RNF144A: variants seen among roughly 807,000 people sequenced by gnomAD.
RNF144A encodes ring finger protein 144A, also known as E3 ubiquitin-protein ligase RNF144A.
A neutral mutation model predicts 38.7 loss-of-function variants in RNF144A; 11 were observed. The ratio of observed to expected loss-of-function variants is 0.28; its 90% CI spans 0.18 to 0.47. The LOEUF is 0.47. RNF144A is among the 20% of genes least tolerant of loss of function. The probability of loss-of-function intolerance (pLI) is 0.99; values close to 1 mark genes in which losing one functional copy is unlikely to be tolerated. For synonymous variants in RNF144A, 149 were observed against 143.9 expected, an observed-to-expected ratio of 1.04 and a Z score of -0.25; for missense variants, 316 against 377.2, an observed-to-expected ratio of 0.84 and a Z score of 1.34.
chr2:7,041,745 C>T lies in RNF144A; in HGVS notation c.*1985C>T, dbSNP rs1673057012. 1 of 985,514 alleles carries T rather than the reference C, an allele frequency of 1.0e-6. No individual in the cohort carries two copies. The highest frequency in any genetic ancestry group is 1.7e-5 in the African/African-American group (1 of 57,246). 61.0% of individuals were successfully genotyped at this position (985,514 alleles called of 1,614,324 possible). A position where few individuals can be genotyped will look rare whatever the true frequency, so the allele number is the denominator to read the frequency against. On this transcript the variant is annotated 3_prime_UTR_variant, in exon 9 of 9. Transcript: ENST00000320892. Reference sequence around the variant, plus strand: ...AGTGGCCCACAGGACACGCCTCCACCATATGCTCATCCTTCCTGCCTGAAA... The same window carrying T: ...AGTGGCCCACAGGACACGCCTCCACTATATGCTCATCCTTCCTGCCTGAAA...
chr2:7,073,746 T>A, the RNF144A span, among the ~76,000 whole-genome samples: 1 of 152,228 alleles, frequency 6.6e-6, no homozygotes, highest in South Asian at 2.1e-4. Context: ...AATCCTTACA[T>A]CTTATTTAAT....
At chr2:7,046,176 A>G (rs974213051), downstream of RNF144A, among the ~76,000 whole-genome samples, 1 of 152,224 alleles carries the variant, frequency 6.6e-6, no homozygotes, top group Non-Finnish European at 1.5e-5. Context: ...TGGCTCGACC[A>G]CAAGACAGTG....
At chr2:7,031,280 A>G (rs1672284357) in intron 8 of RNF144A, among the ~76,000 whole-genome samples, 1 of 152,186 alleles carries the variant, frequency 6.6e-6, no homozygotes, top group Non-Finnish European at 1.5e-5. Context: ...TTTATAGCCT[A>G]CCGTGTGCTG....
intron 6 of RNF144A, among the ~76,000 whole-genome samples, chr2:7,053,946 G>A (rs1000543236): frequency 7.2e-5 from 11 of 152,346 alleles, no homozygotes; most frequent in African/African-American, 2.6e-4. Context: ...AGGCACTGGT[G>A]CCCAGAGAGA....
chr2:7,018,048 C>T (rs538423568), intron 5 of RNF144A, among the ~76,000 whole-genome samples: 1 of 152,152 alleles, frequency 6.6e-6, no homozygotes, highest in Non-Finnish European at 1.5e-5. Context: ...ATAGCATCCC[C>T]CACTGTTGAG....
chr2:6,988,836 A>G (rs771263), intron 2 of RNF144A, among the ~76,000 whole-genome samples: 44,433 of 151,974 alleles, frequency 0.29, 6,672 homozygotes, highest in African/African-American at 0.33. Context: ...TGCATGAGAG[A>G]TGTGTCTTTT....
At chr2:6,996,878 G>T in intron 2 of RNF144A, 38 bp from the exon 3 acceptor site, 1 of 1,599,860 alleles carries the variant, frequency 6.3e-7, no homozygotes, top group East Asian at 2.2e-5. Flanking sequence ...GATGCCAGGG[G>T]TGGGGAGGTC....
At chr2:6,990,435 C>CACAG (rs1448726785) in intron 2 of RNF144A, among the ~76,000 whole-genome samples, 1 of 56,924 alleles carries the variant, frequency 1.8e-5, no homozygotes, top group Non-Finnish European at 3.4e-5. Flanking sequence ...CACACACACA[C>CACAG]AGAGCTATAT....
intron 2 of RNF144A, among the ~76,000 whole-genome samples, chr2:6,959,352 G>A (rs1667192351): frequency 6.6e-6 from 1 of 152,162 alleles, no homozygotes; most frequent in Non-Finnish European, 1.5e-5. Context: ...ATGGCTCATT[G>A]GTGTGATTAT....
Position 7,043,213 on chromosome 2 carries a change from A to T in RNF144A, c.*3453A>T. The T allele has an allele frequency of 1.1e-5, 11 of 985,412 alleles. No homozygotes were observed. Among genetic ancestry groups the T allele is most frequent in the Non-Finnish European group, 1.2e-5 (10 of 829,912 alleles). The allele number at this position is 985,412 out of a possible 1,614,324, so 61.0% of individuals were successfully genotyped here. A position where few individuals can be genotyped will look rare whatever the true frequency, so the allele number is the denominator to read the frequency against. ...AATGATCTTGACAACATATTATTCC[A>T]TAAAACCAGTTTAGGGCACAGGCCA... On this transcript the variant is annotated 3_prime_UTR_variant, in exon 9 of 9. Coordinates refer to ENST00000320892, the MANE Select transcript of RNF144A (RefSeq NM_014746.6).
chr2:7,061,854 ATATAT>A (rs1377434189), intron 6 of RNF144A, among the ~76,000 whole-genome samples: 1 of 152,348 alleles, frequency 6.6e-6, no homozygotes, highest in African/African-American at 2.4e-5. Flanking sequence ...ATTACCTATA[ATATAT>A]TGTATGTATT....
intron 6 of RNF144A, among the ~76,000 whole-genome samples, chr2:7,066,669 G>A (rs905999742): frequency 1.3e-5 from 2 of 152,180 alleles, no homozygotes; most frequent in Non-Finnish European, 2.9e-5. Flanking sequence ...AAGAAACTAA[G>A]GTTGACTTTA....
At chr2:6,953,530 T>C (rs1277685484) in intron 2 of RNF144A, among the ~76,000 whole-genome samples, 2 of 152,252 alleles carry the variant, frequency 1.3e-5, no homozygotes, top group African/African-American at 4.8e-5. Flanking sequence ...TAAAATTACA[T>C]ATTTTTCTAT....
At chr2:7,032,699 G>T (rs1044474543) in intron 8 of RNF144A, among the ~76,000 whole-genome samples, 4 of 152,216 alleles carry the variant, frequency 2.6e-5, no homozygotes, top group Non-Finnish European at 5.9e-5. Flanking sequence ...CAGGACATCA[G>T]TGGTATGGGA....
At chr2:6,996,333 T>A (rs1669736281) in intron 2 of RNF144A, among the ~76,000 whole-genome samples, 1 of 152,184 alleles carries the variant, frequency 6.6e-6, no homozygotes, top group African/African-American at 2.4e-5. Context: ...CCCCCCTGGT[T>A]TAGGAGCCTG....
chr2:6,942,664 G>A (rs924510537), intron 2 of RNF144A, among the ~76,000 whole-genome samples: 1 of 152,190 alleles, frequency 6.6e-6, no homozygotes, highest in Non-Finnish European at 1.5e-5. Flanking sequence ...GGAGTAGGTT[G>A]CAGCCAGAGA....
chr2:6,929,017 G>A (rs953541658), intron 1 of RNF144A, among the ~76,000 whole-genome samples: 5 of 152,040 alleles, frequency 3.3e-5, no homozygotes, highest in African/African-American at 1.2e-4. Context: ...CAGCAGACTT[G>A]GTGCCAAGGG....
intron 6 of RNF144A, among the ~76,000 whole-genome samples, chr2:7,049,380 T>C (rs1673429301): frequency 6.6e-6 from 1 of 152,194 alleles, no homozygotes; most frequent in Non-Finnish European, 1.5e-5. Context: ...AAATTATTGA[T>C]CAATGGTAAG....
At chr2:7,020,829 C>A in intron 6 of RNF144A, 149 bp downstream of exon 6, 2 of 660,826 alleles carry the variant, frequency 3.0e-6, no homozygotes, top group Non-Finnish European at 2.6e-6. Context: ...CTCACTCAAG[C>A]CTGTCATTAT....
Sources: allele counts gnomAD v4.1 joint callset (sites outside exome capture counted in the v4.1 genomes callset), GRCh38; gene constraint gnomAD v4.1.1; transcripts MANE v1.5; gene names NCBI Gene and HGNC (gene_info 2026-07-23, HGNC 2026-07-21).